OR2L13: variants seen among roughly 807,000 people sequenced by gnomAD.
The protein encoded by OR2L13 is olfactory receptor 2L13.
A neutral mutation model predicts 15.3 loss-of-function variants in OR2L13; 14 were observed. The ratio of observed to expected loss-of-function variants is 0.91; its 90% CI spans 0.60 to 1.43. The LOEUF is 1.43. OR2L13 is among the 40% of genes most tolerant of loss of function. OR2L13 has a pLI of 0.00. For missense variants in OR2L13, 367 were observed against 387.9 expected (o/e 0.95, Z 0.45); for synonymous variants, 152 against 142.9 (o/e 1.06, Z -0.45).
the OR2L13 span, chr1:248,040,076 G>A: frequency 2.6e-5 from 4 of 152,124 alleles, no homozygotes; most frequent in African/African-American, 7.2e-5. Flanking sequence ...AGTTGCCACG[G>A]GTATTTTCAT....
the OR2L13 span, among the ~76,000 whole-genome samples, chr1:248,074,455 A>C: frequency 0.69 from 105,232 of 152,004 alleles, 41,537 homozygotes; most frequent in South Asian, 0.9. Flanking sequence ...CCCCAAAGAC[A>C]CAGCCAAAAG....
chr1:248,078,331 A>C, the OR2L13 span, among the ~76,000 whole-genome samples: 5 of 152,020 alleles, frequency 3.3e-5, no homozygotes. Context: ...AAATACAAAA[A>C]TTAGCTGGGC....
At chr1:247,958,571 G>A in the OR2L13 span, among the ~76,000 whole-genome samples, 1 of 152,120 alleles carries the variant, frequency 6.6e-6, no homozygotes, top group Non-Finnish European at 1.5e-5. Flanking sequence ...TATTGTGTGG[G>A]AGTCTAAGTC....
the OR2L13 span, among the ~76,000 whole-genome samples, chr1:248,089,716 T>C: frequency 6.6e-6 from 1 of 152,160 alleles, no homozygotes; most frequent in Admixed American, 6.5e-5. Context: ...GGAATCCCAC[T>C]AAATAGCTCT....
the OR2L13 span, chr1:248,003,164 A>T: frequency 6.3e-6 from 9 of 1,421,528 alleles, no homozygotes; most frequent in Non-Finnish European, 8.9e-6. Flanking sequence ...AACTGATTTC[A>T]TCTTACTGGG....
the OR2L13 span, chr1:248,030,215 G>T: frequency 6.6e-6 from 1 of 152,042 alleles, no homozygotes; most frequent in Non-Finnish European, 1.5e-5. Context: ...CTGAGTGTTT[G>T]GAAATGAGGA....
At chr1:247,960,582 C>T in the OR2L13 span, among the ~76,000 whole-genome samples, 9 of 152,326 alleles carry the variant, frequency 5.9e-5, no homozygotes, top group African/African-American at 2.2e-4. Flanking sequence ...CTGCGGTGGG[C>T]TGCACCCAGT....
the OR2L13 span, among the ~76,000 whole-genome samples, chr1:248,089,330 C>A: frequency 6.6e-6 from 1 of 152,144 alleles, no homozygotes; most frequent in Admixed American, 6.5e-5. Flanking sequence ...AACTCAGAAG[C>A]TCCCTGAACC....
chr1:247,972,494 C>T, the OR2L13 span, among the ~76,000 whole-genome samples: 2 of 152,146 alleles, frequency 1.3e-5, no homozygotes, highest in Admixed American at 1.3e-4. Flanking sequence ...CATCTCTATG[C>T]AAATAAACTA....
the OR2L13 span, among the ~76,000 whole-genome samples, chr1:248,082,873 A>G: frequency 6.6e-6 from 1 of 152,222 alleles, no homozygotes; most frequent in Admixed American, 6.5e-5. Context: ...CAGAGTTCAT[A>G]TCCATGGATC....
the OR2L13 span, among the ~76,000 whole-genome samples, chr1:248,046,550 A>G: frequency 0.02 from 3,119 of 152,286 alleles, 111 homozygotes; most frequent in African/African-American, 0.071. Flanking sequence ...ATGCCTTGAA[A>G]CATCTAAATA....
the OR2L13 span, chr1:247,965,857 T>C: frequency 6.2e-7 from 1 of 1,612,976 alleles, no homozygotes; most frequent in African/African-American, 1.3e-5. Flanking sequence ...CATACATACA[T>C]TGTATGTGTT....
chr1:247,983,522 G>A, the OR2L13 span, among the ~76,000 whole-genome samples: 1 of 152,000 alleles, frequency 6.6e-6, no homozygotes, highest in African/African-American at 2.4e-5. Context: ...TATTTTGGTG[G>A]ATAAAAAACT....
At chr1:248,022,261 C>A in the OR2L13 span, 11 of 1,614,044 alleles carry the variant, frequency 6.8e-6, no homozygotes, top group Middle Eastern at 1.6e-4. Context: ...TTCTTCATGA[C>A]TTTTGCAGGT....
chr1:247,940,762 G>T, the OR2L13 span, among the ~76,000 whole-genome samples: 1 of 151,294 alleles, frequency 6.6e-6, no homozygotes, highest in Non-Finnish European at 1.5e-5. Flanking sequence ...GTGTGCGCGC[G>T]CTAAGCAATG....
chr1:248,099,222 A>T (rs888171540), intron 2 of OR2L13, 136 bp from the exon 3 acceptor site: 40 of 609,044 alleles, frequency 6.6e-5, no homozygotes, highest in Middle Eastern at 8.8e-4. Context: ...GAAATTGATT[A>T]AAAAAAACCT....
chr1:247,946,383 A>G, the OR2L13 span, among the ~76,000 whole-genome samples: 1 of 152,110 alleles, frequency 6.6e-6, no homozygotes, highest in Non-Finnish European at 1.5e-5. Flanking sequence ...GGGAAAGTGG[A>G]CTGTAGTGTC....
the OR2L13 span, among the ~76,000 whole-genome samples, chr1:248,069,706 C>G: frequency 6.6e-6 from 1 of 152,114 alleles, no homozygotes; most frequent in Non-Finnish European, 1.5e-5. Flanking sequence ...CAAGACCCAT[C>G]AGTGTGCTGT....
the OR2L13 span, among the ~76,000 whole-genome samples, chr1:248,026,436 T>C: frequency 6.6e-6 from 1 of 152,238 alleles, no homozygotes; most frequent in Non-Finnish European, 1.5e-5. Context: ...ATGGTTCACG[T>C]TGGTTCTCTC....
Sources: allele counts gnomAD v4.1 joint callset (sites outside exome capture counted in the v4.1 genomes callset), GRCh38; gene constraint gnomAD v4.1.1; transcripts MANE v1.5; gene names NCBI Gene and HGNC (gene_info 2026-07-23, HGNC 2026-07-21).